EIF3H: variants seen among roughly 807,000 people sequenced by gnomAD.
EIF3H encodes eukaryotic translation initiation factor 3 subunit H.
A neutral mutation model predicts 44.2 loss-of-function variants in EIF3H; 26 were observed. That is an observed-to-expected ratio of 0.59 (90% CI 0.43 to 0.82). EIF3H has a LOEUF of 0.82. Ranked by LOEUF, EIF3H falls within the 40% of genes least tolerant of loss-of-function variation. EIF3H has a pLI of 0.00. For missense variants in EIF3H, 359 were observed against 432.8 expected, an observed-to-expected ratio of 0.83 and a Z score of 1.51; for synonymous variants, 166 against 151.9, an observed-to-expected ratio of 1.09 and a Z score of -0.68.
chr8:116,756,225 G>T (rs906922847), upstream of EIF3H, among the ~76,000 whole-genome samples: 1 of 152,180 alleles, frequency 6.6e-6, no homozygotes, highest in Middle Eastern at 3.2e-3. Context: ...CTGTTAATTA[G>T]CGATGAGCCA....
chr8:116,751,419 C>T (rs1815341405), intron 1 of EIF3H, among the ~76,000 whole-genome samples: 2 of 152,066 alleles, frequency 1.3e-5, no homozygotes, highest in African/African-American at 4.8e-5. Flanking sequence ...GGTGAAAAAG[C>T]ATAGTCCCTG....
intron 2 of EIF3H, among the ~76,000 whole-genome samples, chr8:116,679,302 TCAGCCCCCCGCC>T (rs1308198707): frequency 1.5e-4 from 7 of 45,644 alleles, no homozygotes; most frequent in Non-Finnish European, 4.7e-4. Context: ...GGTGGGGGGG[TCAGCCCCCCGCC>T]CGGCCAGCCG....
intron 2 of EIF3H, among the ~76,000 whole-genome samples, chr8:116,721,031 T>C (rs1200935434): frequency 6.6e-6 from 1 of 152,096 alleles, no homozygotes; most frequent in Non-Finnish European, 1.5e-5. Context: ...AGGAGCCAAA[T>C]GTGCATCTCC....
At chr8:116,756,656 C>G (rs191047059), upstream of EIF3H, among the ~76,000 whole-genome samples, 6 of 152,218 alleles carry the variant, frequency 3.9e-5, no homozygotes, top group East Asian at 9.6e-4. Flanking sequence ...ACGGCATATC[C>G]TGCCCTGAAG....
chr8:116,720,682 T>C (rs1367177662), intron 2 of EIF3H, among the ~76,000 whole-genome samples: 1 of 152,192 alleles, frequency 6.6e-6, no homozygotes, highest in East Asian at 1.9e-4. Flanking sequence ...AGAGACTTGT[T>C]GAATGGTTTT....
intron 2 of EIF3H, among the ~76,000 whole-genome samples, chr8:116,683,933 A>G (rs1241528882): frequency 6.6e-6 from 1 of 152,212 alleles, no homozygotes; most frequent in East Asian, 1.9e-4. Flanking sequence ...TTTACTACAC[A>G]GTAGCCACTT....
At chr8:116,737,995 A>G (rs1815071001) in intron 1 of EIF3H, among the ~76,000 whole-genome samples, 1 of 143,696 alleles carries the variant, frequency 7.0e-6, no homozygotes, top group Admixed American at 7.4e-5. Flanking sequence ...AGATCGCACT[A>G]TTGCACTCCA....
chr8:116,700,404 C>G (rs117827709), intron 2 of EIF3H, among the ~76,000 whole-genome samples: 353 of 152,058 alleles, frequency 2.3e-3, no homozygotes, highest in Non-Finnish European at 3.7e-3. Flanking sequence ...AGATTTTTTT[C>G]TTTTCTTTTC....
intron 1 of EIF3H, among the ~76,000 whole-genome samples, chr8:116,755,067 A>C (rs1815417021): frequency 6.6e-6 from 1 of 152,242 alleles, no homozygotes; most frequent in South Asian, 2.1e-4. Flanking sequence ...TTCCTTATCA[A>C]GAATTTCCTT....
intron 2 of EIF3H, among the ~76,000 whole-genome samples, chr8:116,703,421 G>A (rs924396194): frequency 1.3e-5 from 2 of 152,136 alleles, no homozygotes; most frequent in African/African-American, 4.8e-5. Flanking sequence ...GGAAGGCAAT[G>A]TCAGGCCTGC....
intron 7 of EIF3H, 43 bp from the exon 8 acceptor site, chr8:116,645,146 T>C (rs1216696813): frequency 2.0e-6 from 3 of 1,470,534 alleles, no homozygotes; most frequent in South Asian, 1.2e-5. Flanking sequence ...GTTCCACAAA[T>C]TGTAAAATGA....
chr8:116,648,327 C>T (rs890888178), intron 6 of EIF3H, among the ~76,000 whole-genome samples: 2 of 152,164 alleles, frequency 1.3e-5, no homozygotes, highest in African/African-American at 2.4e-5. Context: ...TGAGAATATT[C>T]GGATAATTCT....
chr8:116,684,575 T>TA (rs1191277886), intron 2 of EIF3H, among the ~76,000 whole-genome samples: 1 of 152,182 alleles, frequency 6.6e-6, no homozygotes, highest in African/African-American at 2.4e-5. Flanking sequence ...CAACAGTCCT[T>TA]AATGTTACAT....
At chr8:116,754,754 C>T (rs1032276498) in intron 1 of EIF3H, among the ~76,000 whole-genome samples, 1 of 152,234 alleles carries the variant, frequency 6.6e-6, no homozygotes, top group East Asian at 1.9e-4. Context: ...TCCAGTTTAA[C>T]TAAGTCAGTT....
At chr8:116,762,085 CAT>C (rs1376640744) in intron 1 of EIF3H, among the ~76,000 whole-genome samples, 2 of 152,172 alleles carry the variant, frequency 1.3e-5, no homozygotes, top group Non-Finnish European at 2.9e-5. Flanking sequence ...TTAGAGGAAA[CAT>C]ATAAACTAGT....
At chr8:116,654,747 T>A (rs1026479498) in intron 5 of EIF3H, among the ~76,000 whole-genome samples, 1 of 152,134 alleles carries the variant, frequency 6.6e-6, no homozygotes, top group Non-Finnish European at 1.5e-5. Context: ...CCTGCCCCGT[T>A]AAGACTTTCT....
Position 116,659,869 on chromosome 8 carries a change from T to C in EIF3H, c.290-889A>G, listed in dbSNP as rs546718023. The stretch of plus-strand genomic sequence containing the variant: ...AACTTTATAGTCAACATAATAGCCA[T>C]GCTATTTCTATTATTATTTATTATT... On this transcript the variant is annotated intron_variant, in intron 2 of 7. Coordinates refer to ENST00000521861, the MANE Select transcript of EIF3H (RefSeq NM_003756.3). Among the ~76,000 whole-genome samples the C allele has an allele frequency of 1.1e-4, 16 of 152,146 alleles. No homozygotes were observed. In the East Asian group the frequency reaches 2.3e-3, roughly 22 times the overall value.
rs547696019 is a variant in EIF3H, at chr8:116,648,877, T to C, written c.757A>G (p.Met253Val). 2 of 1,612,600 alleles carry C rather than the reference T, an allele frequency of 1.2e-6. 1 individual carries two copies. Among genetic ancestry groups the C allele is most frequent in the South Asian group, 2.2e-5 (2 of 90,878 alleles). The change falls in exon 6 of 8, where the codon ATG (methionine) becomes GTG (valine). Residue 253 changes from methionine (M) to valine (V), a missense_variant. Met to Val is a conservative substitution (Grantham distance 21). Transcript: ENST00000521861. ...LQLLMDRVDE[M>V]SQDIVKYNTY... ...TTGTATTTAACTATATCTTGGCTCA[T>C]TTCATCCACTCTGTCCATCAGCAAC...
chr8:116,692,578 A>G (rs1043816646), intron 2 of EIF3H, among the ~76,000 whole-genome samples: 1 of 152,190 alleles, frequency 6.6e-6, no homozygotes, highest in Admixed American at 6.5e-5. Flanking sequence ...AATGACTGAG[A>G]CTTACTTAAT....
Sources: allele counts gnomAD v4.1 joint callset (sites outside exome capture counted in the v4.1 genomes callset), GRCh38; gene constraint gnomAD v4.1.1; transcripts MANE v1.5; gene names NCBI Gene and HGNC (gene_info 2026-07-23, HGNC 2026-07-21).